Variants in NRK observed in about 807,000 individuals in gnomAD.
The protein encoded by NRK is nik-related protein kinase.
Under a neutral mutation model 125.2 loss-of-function variants are expected in NRK, and 67 were observed. The observed-to-expected ratio is 0.54, with a 90% CI of 0.44 to 0.66. The LOEUF is 0.66. Ranked by LOEUF, NRK falls within the 30% of genes least tolerant of loss-of-function variation. The pLI is 0.00. For synonymous variants in NRK, 458 were observed against 429.0 expected (o/e 1.07, Z -0.84); for missense variants, 1,224 against 1,192.9 (o/e 1.03, Z -0.38).
At chrX:105,955,136 A>T (rs760382786) in intron 28 of NRK, among the ~76,000 whole-genome samples, 8 of 111,719 alleles carry the variant, frequency 7.2e-5, no homozygotes, top group Non-Finnish European at 1.3e-4. Context: ...CACCTAAATA[A>T]TTTGTTTCCT....
intron 11 of NRK, chrX:105,907,670 C>T (rs1472026816): frequency 1.8e-5 from 2 of 111,856 alleles, no homozygotes; most frequent in Non-Finnish European, 3.8e-5. Context: ...ATGGAAGTTA[C>T]ACTAAAGATA....
chrX:105,909,095 T>C lies in NRK; in HGVS notation c.1454T>C (p.Val485Ala). ...ARVLMPLQAQ[V>A]RAPRLLQVQS... Reference sequence around the variant, plus strand: ...GTGCTCATGCCACTACAGGCACAGGTTAGGGCACCTAGGCTTCTGCAGGTA... The same window carrying C: ...GTGCTCATGCCACTACAGGCACAGGCTAGGGCACCTAGGCTTCTGCAGGTA... Residue 485 changes from valine (V) to alanine (A), a missense_variant, in exon 13 of 29, where the codon GTT becomes GCT. Transcript: ENST00000243300. The C allele has an allele frequency of 8.3e-7, 1 of 1,210,685 alleles. No individual in the cohort carries two copies. The highest frequency in any genetic ancestry group is 3.0e-5 in the East Asian group (1 of 33,767).
chrX:105,828,770 C>G (rs1427315279), intron 1 of NRK, among the ~76,000 whole-genome samples: 1 of 111,551 alleles, frequency 9.0e-6, no homozygotes, highest in Non-Finnish European at 1.9e-5. Context: ...TCTCATAAAT[C>G]TTTCAATGAG....
At chrX:105,855,702 G>A (rs1474571726) in intron 2 of NRK, among the ~76,000 whole-genome samples, 3 of 111,912 alleles carry the variant, frequency 2.7e-5, no homozygotes, top group Non-Finnish European at 1.9e-5. Flanking sequence ...CTGACAGAAA[G>A]ATGAGATCCA....
At chrX:105,885,419 C>T (rs2039931383) in intron 4 of NRK, among the ~76,000 whole-genome samples, 1 of 112,189 alleles carries the variant, frequency 8.9e-6, no homozygotes, top group Non-Finnish European at 1.9e-5. Context: ...ATCATAATAC[C>T]TAAATGCACA....
intron 2 of NRK, among the ~76,000 whole-genome samples, chrX:105,844,101 C>T (rs957897961): frequency 9.3e-6 from 1 of 106,979 alleles, no homozygotes; most frequent in African/African-American, 3.4e-5. Flanking sequence ...CCTAGGAAAC[C>T]ACTGCCAGTC....
chrX:105,945,270 A>AT lies in NRK; in HGVS notation c.4060-601dup, dbSNP rs762432231. The stretch of plus-strand genomic sequence containing the variant: ...ATAGACAGGTTTTAACAAAGCACTG[A>AT]TAGGGACCCATCCTGACAGACGCAG... On this transcript the variant is annotated intron_variant, in intron 24 of 28. Coordinates refer to ENST00000243300, the MANE Select transcript of NRK (RefSeq NM_198465.4). Among the ~76,000 whole-genome samples, 5 of 111,930 alleles carry AT rather than the reference A, an allele frequency of 4.5e-5. No individual in the cohort carries two copies. In the South Asian group the frequency reaches 1.1e-3, roughly 25 times the overall value.
chrX:105,891,427 C>T (rs1458070782), intron 5 of NRK, among the ~76,000 whole-genome samples: 1 of 112,128 alleles, frequency 8.9e-6, no homozygotes, highest in Non-Finnish European at 1.9e-5. Context: ...TGCTGCATTT[C>T]CATTCCATGT....
chrX:105,948,193 C>T (rs996733347), intron 26 of NRK, among the ~76,000 whole-genome samples: 6 of 111,007 alleles, frequency 5.4e-5, no homozygotes, highest in African/African-American at 1.6e-4. Context: ...AATGTTGACC[C>T]GCGTGTTTCA....
chrX:105,943,856 T>C, intron 23 of NRK, 85 bp from the exon 24 acceptor site: 1 of 508,140 alleles, frequency 2.0e-6, no homozygotes, highest in Non-Finnish European at 3.3e-6. Context: ...AAATTGTGGT[T>C]ATGGCATTTT....
In NRK at chrX:105,948,501, A is replaced by G. The variant is rs1050565138; in HGVS notation, c.4354-1074A>G. ...CTAAAGAATATCTAGTTACTTCAGG[A>G]ATCATCTGAGAAGCATCTGAGGCTG... On this transcript the variant is annotated intron_variant, in intron 26 of 28. Transcript: ENST00000243300. 3.9e-5 allele frequency: 14 copies of G among 363,146 alleles called. No individual in the cohort carries two copies. The South Asian group carries it at 8.3e-4, about 22-fold the overall frequency. The allele number at this position is 363,146 out of a possible 1,213,427, so 29.9% of individuals were successfully genotyped here. A position where few individuals can be genotyped will look rare whatever the true frequency, so the allele number is the denominator to read the frequency against.
intron 14 of NRK, among the ~76,000 whole-genome samples, chrX:105,913,384 T>C (rs2040326338): frequency 8.9e-6 from 1 of 112,471 alleles, no homozygotes; most frequent in South Asian, 3.6e-4. Flanking sequence ...TTTAACTTCA[T>C]GCATTGATCA....
intron 2 of NRK, among the ~76,000 whole-genome samples, chrX:105,857,723 T>A (rs969775112): frequency 9.8e-5 from 11 of 111,699 alleles, no homozygotes; most frequent in African/African-American, 3.6e-4. Flanking sequence ...CAGACAAATT[T>A]AAAAAGCTAT....
chrX:105,878,763 C>A (rs1427123480), intron 2 of NRK, among the ~76,000 whole-genome samples: 1 of 111,400 alleles, frequency 9.0e-6, no homozygotes, highest in African/African-American at 3.3e-5. Context: ...TCACCCAATT[C>A]TGGACATTTC....
At chrX:105,925,839 A>T (rs1035975776) in intron 19 of NRK, among the ~76,000 whole-genome samples, 6 of 111,405 alleles carry the variant, frequency 5.4e-5, no homozygotes, top group South Asian at 3.8e-4. Context: ...TTCTTTATCA[A>T]TTCATCTCTT....
rs750830022 is a variant in NRK, at chrX:105,944,629, C to T, written c.4059+588C>T. 8.1e-5 allele frequency among the ~76,000 whole-genome samples: 9 copies of T among 111,247 alleles called. No individual in the cohort carries two copies. The Middle Eastern group carries it at 0.014, about 172-fold the overall frequency. On this transcript the variant is annotated intron_variant, in intron 24 of 28. Transcript: ENST00000243300. The stretch of plus-strand genomic sequence containing the variant: ...TTGAAGCTGAGAAAGTCCCTGTTTT[C>T]TCTTAGTGGGGGATAGAGAGCAGAG...
In NRK at chrX:105,822,870, G is replaced by A; in HGVS notation, c.25G>A (p.Asp9Asn). The A allele has an allele frequency of 8.5e-7, 1 of 1,172,386 alleles. No individual in the cohort carries two copies. The highest frequency in any genetic ancestry group is 1.1e-6 in the Non-Finnish European group (1 of 874,858). ...CATGGCGGGACCTGGGGGCTGGAGG[G>A]ACAGGGAGGTCACGGATCTGGGCCA... The part of the protein sequence containing the change: MAGPGGWR[D>N]REVTDLGHLP... The change falls in exon 1 of 29, where the codon GAC (aspartate) becomes AAC (asparagine). Residue 9 changes from aspartate (D) to asparagine (N), a missense_variant. Asp to Asn is a conservative substitution (Grantham distance 23, BLOSUM62 1). Coordinates refer to ENST00000243300, the MANE Select transcript of NRK (RefSeq NM_198465.4).
intron 2 of NRK, among the ~76,000 whole-genome samples, chrX:105,852,879 A>G (rs1341880162): frequency 1.8e-5 from 2 of 111,842 alleles, no homozygotes; most frequent in African/African-American, 6.5e-5. Context: ...AGCCCCCTAT[A>G]TCTTAACAGT....
chrX:105,826,038 GTC>G (rs200199183), intron 1 of NRK, among the ~76,000 whole-genome samples: 6 of 93,460 alleles, frequency 6.4e-5, no homozygotes, highest in Admixed American at 1.3e-4. Flanking sequence ...CTCTGTCTCC[GTC>G]TCTCTCTCTC....
Sources: allele counts gnomAD v4.1 joint callset (sites outside exome capture counted in the v4.1 genomes callset), GRCh38; gene constraint gnomAD v4.1.1; transcripts MANE v1.5; gene names NCBI Gene and HGNC (gene_info 2026-07-23, HGNC 2026-07-21).